The following BCAT1 variants were observed in gnomAD, a reference collection of about 807,000 sequenced individuals.
The protein encoded by BCAT1 is branched chain amino acid transaminase 1.
Under a neutral mutation model 52.4 loss-of-function variants are expected in BCAT1, and 48 were observed. The observed-to-expected ratio is 0.92, with a 90% CI of 0.73 to 1.16. BCAT1 has a LOEUF of 1.16. Among genes scored for constraint, BCAT1 ranks in the 50% most tolerant of loss-of-function variants. The pLI is 0.00. For missense variants in BCAT1, 451 were observed against 457.1 expected (o/e 0.99, Z 0.12); for synonymous variants, 167 against 161.3 (o/e 1.04, Z -0.27).
intron 5 of BCAT1, among the ~76,000 whole-genome samples, chr12:24,872,824 A>G (rs1343339159): frequency 6.6e-6 from 1 of 152,220 alleles, no homozygotes; most frequent in African/African-American, 2.4e-5. Flanking sequence ...CAGCCCTGGT[A>G]TAGTTCAGTA....
At chr12:24,851,274 A>G (rs1941503039) in intron 5 of BCAT1, among the ~76,000 whole-genome samples, 1 of 152,210 alleles carries the variant, frequency 6.6e-6, no homozygotes, top group Non-Finnish European at 1.5e-5. Context: ...TCAGGAGAAG[A>G]AAGAGAATCT....
At chr12:24,881,557 A>G (rs1942498145) in intron 3 of BCAT1, 146 bp from the exon 4 acceptor site, 1 of 595,986 alleles carries the variant, frequency 1.7e-6, no homozygotes, top group African/African-American at 1.9e-5. Context: ...AAATCCAGGA[A>G]AGCTAACAGT....
chr12:24,930,258 AC>A (rs1304969885), intron 1 of BCAT1, among the ~76,000 whole-genome samples: 1 of 152,040 alleles, frequency 6.6e-6, no homozygotes, highest in African/African-American at 2.4e-5. Flanking sequence ...TTCTCCTTCA[AC>A]CCCAGCTCTG....
intron 3 of BCAT1, among the ~76,000 whole-genome samples, chr12:24,887,080 A>AAAAAAATATATAT (rs1245203518): frequency 1.5e-4 from 6 of 40,736 alleles, no homozygotes; most frequent in Admixed American, 2.9e-4. Context: ...AAAAAAAAAA[A>AAAAAAATATATAT]ATATATATAT....
At chr12:24,914,084 T>TC (rs1491493170) in intron 1 of BCAT1, among the ~76,000 whole-genome samples, 2 of 20,474 alleles carry the variant, frequency 9.8e-5, no homozygotes, top group Non-Finnish European at 4.8e-4. Context: ...GTAGATTATC[T>TC]TTTTTTTTTT....
In BCAT1 at chr12:24,823,321, G is replaced by A. The variant is rs1012211767; in HGVS notation, c.1120-5272C>T. ...ACTCCTGGGCTCAAGCAATTCTCAC[G>A]TCTCAGTCTCCCAAAGTGTTGGGAT... On this transcript the variant is annotated intron_variant, in intron 10 of 10. Transcript: ENST00000261192. Among the ~76,000 whole-genome samples, 18 of 152,162 alleles carry A rather than the reference G, an allele frequency of 1.2e-4. No individual in the cohort carries two copies. The South Asian group carries it at 2.9e-3, about 25-fold the overall frequency.
At chr12:24,927,943 T>C (rs1943617585) in intron 1 of BCAT1, among the ~76,000 whole-genome samples, 2 of 152,200 alleles carry the variant, frequency 1.3e-5, no homozygotes, top group Admixed American at 1.3e-4. Context: ...CACTTTTAAG[T>C]ATTAGGAAAA....
chr12:24,943,717 G>A (rs556448928), intron 1 of BCAT1, among the ~76,000 whole-genome samples: 2 of 152,166 alleles, frequency 1.3e-5, no homozygotes, highest in East Asian at 3.9e-4. Context: ...GGGAGCGGTG[G>A]CTCACGCCTG....
At chr12:24,901,080 A>G (rs1339351630) in intron 2 of BCAT1, among the ~76,000 whole-genome samples, 5 of 152,248 alleles carry the variant, frequency 3.3e-5, no homozygotes, top group South Asian at 2.1e-4. Flanking sequence ...TGTCCAATGC[A>G]TGGCACAGTC....
At position 24,890,021 on chromosome 12, in the gene BCAT1, A is replaced by G. The variant is rs114073465; in HGVS notation, c.279+4254T>C. Among the ~76,000 whole-genome samples the G allele has an allele frequency of 7.5e-3, 1,139 of 152,162 alleles. 8 individuals carry two copies. The highest frequency in any genetic ancestry group is 0.027 in the African/African-American group (1,101 of 41,506). ...GGAGGGCATGGAAGCCCTGCACTCT[A>G]TCCCCCGATACCTCACCCTACACAT... On this transcript the variant is annotated intron_variant, in intron 3 of 10. Transcript: ENST00000261192.
chr12:24,942,146 G>A (rs1943859273), intron 1 of BCAT1, among the ~76,000 whole-genome samples: 1 of 152,186 alleles, frequency 6.6e-6, no homozygotes, highest in East Asian at 1.9e-4. Flanking sequence ...AGTAATGAGA[G>A]CATAAACCAG....
intron 6 of BCAT1, among the ~76,000 whole-genome samples, chr12:24,845,334 G>A (rs1330879554): frequency 1.3e-5 from 2 of 151,558 alleles, no homozygotes; most frequent in Non-Finnish European, 2.9e-5. Context: ...ATACAGATAG[G>A]AAGCTATTAA....
At chr12:24,893,900 A>G (rs564428702) in intron 3 of BCAT1, among the ~76,000 whole-genome samples, 1 of 152,364 alleles carries the variant, frequency 6.6e-6, no homozygotes, top group South Asian at 2.1e-4. Flanking sequence ...TGGAGTTAGC[A>G]TTAAAATCAA....
In BCAT1 at chr12:24,843,511, G is replaced by A. The variant is rs553894174; in HGVS notation, c.675-1287C>T. On this transcript the variant is annotated intron_variant, in intron 6 of 10. Transcript: ENST00000261192. ...TCAGCTGCTAGGGAGGCTGAGGGAG[G>A]AGAATCATCTTAACTCGGGAGGCAA... 1.0e-3 allele frequency among the ~76,000 whole-genome samples: 153 copies of A among 152,216 alleles called. 2 individuals carry two copies. Among genetic ancestry groups the A allele is most frequent in the African/African-American group, 3.5e-3 (146 of 41,526 alleles).
At chr12:24,878,755 A>G in intron 4 of BCAT1, 106 bp from the exon 5 acceptor site, 1 of 1,089,304 alleles carries the variant, frequency 9.2e-7, no homozygotes. Flanking sequence ...AATAATCCCA[A>G]CACAAAAAAA....
rs557301021 is a variant in BCAT1, at chr12:24,816,824, A to C, written c.*1184T>G. On this transcript the variant is annotated 3_prime_UTR_variant, in exon 11 of 11. Transcript: ENST00000261192. ...CATCAAGCATTAGATTCTCATAAGG[A>C]GCGCATAGCCTAGATCCCTTGCATG... 1 of 361,414 alleles carries C rather than the reference A, an allele frequency of 2.8e-6. No homozygotes were observed. The highest frequency in any genetic ancestry group is 4.9e-6 in the Non-Finnish European group (1 of 202,240). 22.4% of individuals were successfully genotyped at this position (361,414 alleles called of 1,614,324 possible). A position where few individuals can be genotyped will look rare whatever the true frequency, so the allele number is the denominator to read the frequency against.
intron 8 of BCAT1, chr12:24,834,577 G>C: frequency 1.0e-6 from 1 of 973,784 alleles, no homozygotes; most frequent in South Asian, 4.7e-5. Context: ...ACCCACAAGA[G>C]ATAAAAATGG....
intron 10 of BCAT1, among the ~76,000 whole-genome samples, chr12:24,825,458 T>G: frequency 2.2e-5 from 1 of 45,394 alleles, no homozygotes; most frequent in Non-Finnish European, 3.9e-5. Flanking sequence ...CATCTGTTAT[T>G]GCCTGTTTTT....
chr12:24,898,558 C>G (rs7485585), intron 2 of BCAT1, among the ~76,000 whole-genome samples: 27,185 of 91,458 alleles, frequency 0.3, 3,458 homozygotes, highest in East Asian at 0.48. Flanking sequence ...CTCTGTTGCC[C>G]AGGCTGGAGT....
Sources: allele counts gnomAD v4.1 joint callset (sites outside exome capture counted in the v4.1 genomes callset), GRCh38; gene constraint gnomAD v4.1.1; transcripts MANE v1.5; gene names NCBI Gene and HGNC (gene_info 2026-07-23, HGNC 2026-07-21).